Variants in GPHN observed in about 807,000 individuals in gnomAD.
GPHN encodes gephyrin.
In GPHN, 17 loss-of-function variants were observed where a neutral mutation model predicts 95.5. The ratio of observed to expected loss-of-function variants is 0.18; its 90% CI spans 0.12 to 0.27. The LOEUF (loss-of-function observed/expected upper bound fraction) is 0.27, where lower values mean the gene tolerates loss of function less well. Among genes scored for constraint, GPHN ranks in the 10% least tolerant of loss-of-function variants. The probability of loss-of-function intolerance (pLI) is 1.00; values close to 1 mark genes in which losing one functional copy is unlikely to be tolerated. For synonymous variants in GPHN, 320 were observed against 322.5 expected (o/e 0.99, Z 0.08); for missense variants, 660 against 978.1 (o/e 0.67, Z 4.34).
intron 5 of GPHN, 74 bp from the exon 6 acceptor site, chr14:66,915,929 T>C: frequency 1.2e-6 from 1 of 839,120 alleles, no homozygotes; most frequent in Admixed American, 1.7e-5. Flanking sequence ...AAAATGATTG[T>C]TATTTGTTCT....
intron 18 of GPHN, among the ~76,000 whole-genome samples, chr14:67,148,558 C>CTTTTTTTTTTT (rs368140123): frequency 9.2e-6 from 1 of 109,050 alleles, no homozygotes; most frequent in African/African-American, 3.8e-5. Flanking sequence ...ACTTTATTTG[C>CTTTTTTTTTTT]TTTTTTTTTT....
chr14:66,998,090 G>A (rs948093128), intron 9 of GPHN, among the ~76,000 whole-genome samples: 6 of 152,134 alleles, frequency 3.9e-5, no homozygotes, highest in African/African-American at 1.4e-4. Context: ...CTTTCTCTAT[G>A]ACAGCATGTG....
intron 17 of GPHN, among the ~76,000 whole-genome samples, chr14:67,124,517 C>T (rs958088824): frequency 2.6e-5 from 4 of 152,170 alleles, no homozygotes; most frequent in Non-Finnish European, 5.9e-5. Flanking sequence ...GATACAAGTA[C>T]TTAAAAACTA....
At chr14:67,476,220 T>C in the GPHN span, among the ~76,000 whole-genome samples, 2 of 152,248 alleles carry the variant, frequency 1.3e-5, no homozygotes, top group Non-Finnish European at 2.9e-5. Context: ...GTCACATTAA[T>C]ACCTACCCAG....
the GPHN span, among the ~76,000 whole-genome samples, chr14:67,663,951 T>C: frequency 6.6e-6 from 1 of 152,184 alleles, no homozygotes; most frequent in Non-Finnish European, 1.5e-5. Flanking sequence ...CATTCCCTTA[T>C]ATCTAACAAG....
the GPHN span, among the ~76,000 whole-genome samples, chr14:67,394,662 G>A: frequency 6.6e-6 from 1 of 152,086 alleles, no homozygotes; most frequent in Non-Finnish European, 1.5e-5. Flanking sequence ...CAGTTCTTTT[G>A]CCTGGGAGGT....
Position 67,000,381 on chromosome 14 carries a change from C to G in GPHN, c.964-23252C>G, listed in dbSNP as rs2072133329. On this transcript the variant is annotated intron_variant, in intron 9 of 22. Coordinates refer to ENST00000478722, the MANE Select transcript of GPHN (RefSeq NM_020806.5). ...AAAAATAGGAACATTTTTTAAACACCACAGAACCACAAACTGTTTAAACTG... is the reference window on the plus strand; with the variant it reads ...AAAAATAGGAACATTTTTTAAACACGACAGAACCACAAACTGTTTAAACTG... 1.3e-5 allele frequency among the ~76,000 whole-genome samples: 2 copies of G among 151,480 alleles called. 1 individual carries two copies. The highest frequency in any genetic ancestry group is 4.8e-5 in the African/African-American group (2 of 41,358).
At chr14:67,639,476 C>A in the GPHN span, among the ~76,000 whole-genome samples, 1 of 152,002 alleles carries the variant, frequency 6.6e-6, no homozygotes, top group South Asian at 2.1e-4. Context: ...GATTATAAAT[C>A]TTTTATAATT....
At chr14:67,226,245 G>A in the GPHN span, among the ~76,000 whole-genome samples, 3 of 152,198 alleles carry the variant, frequency 2.0e-5, no homozygotes, top group Non-Finnish European at 4.4e-5. Flanking sequence ...AGGCTGGAGT[G>A]CAGTGGCGCA....
Position 66,590,730 on chromosome 14 carries a change from G to C in GPHN, c.64+82139G>C, listed in dbSNP as rs557703372. On this transcript the variant is annotated intron_variant, in intron 1 of 22. Coordinates refer to ENST00000478722, the MANE Select transcript of GPHN (RefSeq NM_020806.5). ...AGCCAAATTCTACCAGAAGTACAAAGAGGAGCTGGTACCATTCCTTCTGAA... is the reference window on the plus strand; with the variant it reads ...AGCCAAATTCTACCAGAAGTACAAACAGGAGCTGGTACCATTCCTTCTGAA... Among the ~76,000 whole-genome samples the C allele has an allele frequency of 2.4e-3, 369 of 152,284 alleles. 4 individuals carry two copies. The highest frequency in any genetic ancestry group is 8.4e-3 in the African/African-American group (348 of 41,562).
the GPHN span, among the ~76,000 whole-genome samples, chr14:67,529,659 C>CT: frequency 6.6e-6 from 1 of 152,198 alleles, no homozygotes; most frequent in Non-Finnish European, 1.5e-5. Flanking sequence ...CCTAGCCCCA[C>CT]TTAGATGGTG....
chr14:66,674,103 C>CT (rs370219778), intron 1 of GPHN, among the ~76,000 whole-genome samples: 44,219 of 143,314 alleles, frequency 0.31, 10,188 homozygotes, highest in African/African-American at 0.63. Flanking sequence ...TTTTTCTTTT[C>CT]TTTTTTTTTT....
the GPHN span, chr14:67,382,408 A>G: frequency 1.3e-6 from 2 of 1,572,362 alleles, no homozygotes; most frequent in Non-Finnish European, 1.7e-6. Flanking sequence ...TGGGTTCTGT[A>G]GGTACATTCA....
the GPHN span, chr14:67,724,539 T>C: frequency 5.0e-6 from 8 of 1,613,982 alleles, no homozygotes; most frequent in Non-Finnish European, 6.8e-6. Context: ...TGGTGATCAC[T>C]GGCGCCAACA....
At chr14:67,415,614 C>T in the GPHN span, among the ~76,000 whole-genome samples, 4 of 152,310 alleles carry the variant, frequency 2.6e-5, no homozygotes, top group Middle Eastern at 3.4e-3. Flanking sequence ...ACTGCGTCTA[C>T]GCCAGCATTC....
At chr14:66,622,973 C>A (rs1236557177) in intron 1 of GPHN, among the ~76,000 whole-genome samples, 1 of 152,128 alleles carries the variant, frequency 6.6e-6, no homozygotes, top group East Asian at 1.9e-4. Context: ...TTCAGCAGCA[C>A]CCCATTCTAC....
At chr14:67,468,457 G>T in the GPHN span, among the ~76,000 whole-genome samples, 5 of 152,198 alleles carry the variant, frequency 3.3e-5, no homozygotes, top group African/African-American at 1.2e-4. Context: ...TAAACATTAG[G>T]CTTTCACAAA....
chr14:67,729,682 A>G, the GPHN span: 1 of 574,694 alleles, frequency 1.7e-6, no homozygotes, highest in South Asian at 1.6e-5. Context: ...GGAGATCTGG[A>G]TCGTTTTTCT....
intron 10 of GPHN, among the ~76,000 whole-genome samples, chr14:67,038,854 A>G (rs1429565204): frequency 6.6e-6 from 1 of 152,098 alleles, no homozygotes; most frequent in East Asian, 1.9e-4. Context: ...TCCTCATGAT[A>G]TTACCATCTC....
Sources: allele counts gnomAD v4.1 joint callset (sites outside exome capture counted in the v4.1 genomes callset), GRCh38; gene constraint gnomAD v4.1.1; transcripts MANE v1.5; gene names NCBI Gene and HGNC (gene_info 2026-07-23, HGNC 2026-07-21).